TOP3B: variants seen among roughly 807,000 people sequenced by gnomAD.
The protein encoded by TOP3B is DNA topoisomerase III beta, also known as DNA topoisomerase 3-beta-1.
Under a neutral mutation model 93.9 loss-of-function variants are expected in TOP3B, and 45 were observed. The ratio of observed to expected loss-of-function variants is 0.48; its 90% CI spans 0.38 to 0.61. TOP3B has a LOEUF of 0.61. Among genes scored for constraint, TOP3B ranks in the 20% least tolerant of loss-of-function variants. The pLI is 0.00. For missense variants in TOP3B, 750 were observed against 1,156.1 expected (o/e 0.65, Z 5.09); for synonymous variants, 357 against 472.6 (o/e 0.76, Z 3.17).
chr22:21,968,131 T>C (rs896135149), intron 7 of TOP3B: 12 of 252,278 alleles, frequency 4.8e-5, no homozygotes, highest in African/African-American at 2.4e-4. Flanking sequence ...GGCACGATCG[T>C]AGCTCACTGT....
chr22:21,982,521 C>T (rs1186038722), intron 1 of TOP3B: 1 of 152,354 alleles, frequency 6.6e-6, no homozygotes, highest in Non-Finnish European at 1.5e-5. Flanking sequence ...GCGGGCCCAT[C>T]TCCACCTCCC....
chr22:21,979,854 T>C (rs1245656140), intron 1 of TOP3B, among the ~76,000 whole-genome samples: 1 of 143,362 alleles, frequency 7.0e-6, no homozygotes, highest in African/African-American at 2.6e-5. Flanking sequence ...GGCAGGAGAA[T>C]GGTGTGAACC....
At chr22:21,967,542 G>T in intron 8 of TOP3B, 61 bp downstream of exon 8, 1 of 1,292,002 alleles carries the variant, frequency 7.7e-7, no homozygotes, top group Non-Finnish European at 1.1e-6. Context: ...TCCAGCGGGA[G>T]GCATCCAAGG....
At position 21,962,844 on chromosome 22, in the gene TOP3B, G is replaced by A. The variant is rs573866910; in HGVS notation, c.1254C>T (p.Ala418=). ...GGTACTTGCAGTCATGGCTGACCGTGGCGATGAAGTGTCTGGTGATGTACT... is the reference window on the plus strand; with the variant it reads ...GGTACTTGCAGTCATGGCTGACCGTAGCGATGAAGTGTCTGGTGATGTACT... ...LYEYITRHFI[A]TVSHDCKYLQ... is the part of the protein sequence containing the mutation. The change falls in exon 12 of 18, where the codon GCC becomes GCT. Residue 418 remains alanine, a synonymous_variant. Transcript: ENST00000357179. The A allele has an allele frequency of 5.8e-5, 93 of 1,614,058 alleles. 2 individuals carry two copies. In the South Asian group the frequency reaches 9.9e-4, roughly 17 times the overall value.
chr22:21,972,561 G>T, intron 4 of TOP3B, 51 bp downstream of exon 4: 1 of 1,382,922 alleles, frequency 7.2e-7, no homozygotes, highest in Non-Finnish European at 1.0e-6. Context: ...CATGGCAGCT[G>T]TGGAGGGTGG....
At chr22:21,969,017 C>CATTCTA in intron 6 of TOP3B, 1 of 507,588 alleles carries the variant, frequency 2.0e-6, no homozygotes, top group Non-Finnish European at 3.6e-6. Flanking sequence ...GCCAGGGAGC[C>CATTCTA]TTCTATTCTA....
At chr22:21,972,537 AG>A in intron 4 of TOP3B, 74 bp downstream of exon 4, 1 of 1,169,840 alleles carries the variant, frequency 8.5e-7, no homozygotes, top group African/African-American at 1.5e-5. Flanking sequence ...GACTCAAGCA[AG>A]GGTGGGCAAA....
chr22:21,964,160 C>A lies in TOP3B; in HGVS notation c.1098+1G>T, dbSNP rs1380448663. Reference sequence around the variant, plus strand: ...GCTGAGGCCGGCCCGGCTCCACTCACCGTGTCGGCCCAGTAGGGGTGGTTG... The same window carrying A: ...GCTGAGGCCGGCCCGGCTCCACTCAACGTGTCGGCCCAGTAGGGGTGGTTG... On this transcript the variant is annotated splice_donor_variant, in intron 10 of 17. Coordinates refer to ENST00000357179, the MANE Select transcript of TOP3B (RefSeq NM_001282112.2). LOFTEE classifies it high-confidence loss of function. The A allele has an allele frequency of 6.2e-7, 1 of 1,613,896 alleles. No homozygotes were observed. The highest frequency in any genetic ancestry group is 1.7e-5 in the Admixed American group (1 of 59,994).
At chr22:21,974,173 C>A in intron 3 of TOP3B, 184 bp downstream of exon 3, 1 of 664,818 alleles carries the variant, frequency 1.5e-6, no homozygotes, top group Non-Finnish European at 2.4e-6. Flanking sequence ...GGGCTGAGTT[C>A]CAGAGCCTGG....
chr22:21,982,559 G>A (rs978009632), intron 1 of TOP3B, 171 bp downstream of exon 1: 3 of 152,324 alleles, frequency 2.0e-5, no homozygotes, highest in African/African-American at 7.2e-5. Context: ...CCCCGCGGGA[G>A]AGTATCACCC....
intron 4 of TOP3B, 56 bp from the exon 5 acceptor site, chr22:21,972,007 G>T: frequency 1.4e-6 from 2 of 1,476,454 alleles, no homozygotes; most frequent in Non-Finnish European, 1.9e-6. Context: ...TGTGCCACCC[G>T]CCCCCAGTGC....
intron 17 of TOP3B, 148 bp from the exon 18 acceptor site, chr22:21,957,743 G>A: frequency 6.7e-7 from 1 of 1,485,530 alleles, no homozygotes; most frequent in South Asian, 1.3e-5. Context: ...CCTTGCTCAT[G>A]TTTCGGCTCC....
At chr22:21,962,999 T>G (rs956869902) in intron 11 of TOP3B, 106 bp from the exon 12 acceptor site, 3 of 1,372,720 alleles carry the variant, frequency 2.2e-6, no homozygotes, top group Non-Finnish European at 3.0e-6. Context: ...ACAGAGCCGC[T>G]GTGCAGGACA....
intron 1 of TOP3B, among the ~76,000 whole-genome samples, chr22:21,981,203 C>A (rs1383464036): frequency 6.6e-6 from 1 of 152,196 alleles, no homozygotes; most frequent in African/African-American, 2.4e-5. Context: ...AATGAGGACA[C>A]ACCAGGGACC....
At chr22:21,962,343 G>A (rs1270342093) in intron 13 of TOP3B, 86 bp downstream of exon 13, 1 of 1,603,344 alleles carries the variant, frequency 6.2e-7, no homozygotes, top group East Asian at 2.2e-5. Context: ...TGGGCACACA[G>A]GGCTGGCGGG....
chr22:21,962,069 G>T, intron 13 of TOP3B: 1 of 1,167,480 alleles, frequency 8.6e-7, no homozygotes, highest in Middle Eastern at 3.7e-4. Context: ...CTGATTTCAG[G>T]ACAGCCCAGG....
chr22:21,967,747 C>T (rs373071990), intron 7 of TOP3B, 31 bp from the exon 8 acceptor site: 289 of 1,575,584 alleles, frequency 1.8e-4, no homozygotes, highest in Non-Finnish European at 2.2e-4. Context: ...GGTGAACGCA[C>T]AAGAAAAAGT....
rs536574702 is a variant in TOP3B at position 21,979,768 on chromosome 22, C to T, written c.-99+2962G>A. 1.9e-3 allele frequency among the ~76,000 whole-genome samples: 283 copies of T among 151,708 alleles called. 1 individual carries two copies. The highest frequency in any genetic ancestry group is 2.7e-3 in the South Asian group (13 of 4,798). On this transcript the variant is annotated intron_variant, in intron 1 of 17. Transcript: ENST00000357179. ...CATCCTGACTAACGTGGTGAAACCC[C>T]GTCTCTACTAAAAATACTAAAAATT...
chr22:21,978,868 T>C (rs2084552256), intron 1 of TOP3B, among the ~76,000 whole-genome samples: 1 of 152,118 alleles, frequency 6.6e-6, no homozygotes, highest in South Asian at 2.1e-4. Context: ...TGTGCCAGCA[T>C]GTTCTCCGCT....
Sources: allele counts gnomAD v4.1 joint callset (sites outside exome capture counted in the v4.1 genomes callset), GRCh38; gene constraint gnomAD v4.1.1; transcripts MANE v1.5; gene names NCBI Gene and HGNC (gene_info 2026-07-23, HGNC 2026-07-21).